LRRC3C: variants seen among roughly 807,000 people sequenced by gnomAD.
LRRC3C encodes the protein leucine-rich repeat-containing protein 3C.
In LRRC3C, 11 loss-of-function variants were observed where a neutral mutation model predicts 14.8. The observed-to-expected ratio is 0.74, with a 90% CI of 0.47 to 1.23. LRRC3C has a LOEUF of 1.23. LRRC3C is among the 50% of genes most tolerant of loss of function. The probability of loss-of-function intolerance (pLI) is 0.00; values close to 1 mark genes in which losing one functional copy is unlikely to be tolerated. For missense variants in LRRC3C, 354 were observed against 361.8 expected (o/e 0.98, Z 0.18); for synonymous variants, 149 against 161.5 (o/e 0.92, Z 0.59).
intron 3 of LRRC3C, among the ~76,000 whole-genome samples, chr17:39,942,488 G>C (rs1029799522): frequency 1.3e-5 from 2 of 151,940 alleles, no homozygotes; most frequent in African/African-American, 4.8e-5. Flanking sequence ...AGCAAACTGA[G>C]AGAACCTGAG....
At chr17:39,932,636 C>T (rs551692152) in intron 1 of LRRC3C, among the ~76,000 whole-genome samples, 30 of 150,794 alleles carry the variant, frequency 2.0e-4, no homozygotes, top group South Asian at 4.2e-4. Context: ...GCGGGAGGAT[C>T]GCTTGAGCCC....
At position 39,944,408 on chromosome 17, in the gene LRRC3C, C is replaced by G. The variant is rs1164371041; in HGVS notation, c.502C>G (p.Leu168Val). ...SANPWHCDCALQEVLRQVRLV... is the reference protein window; with the variant it reads ...SANPWHCDCAVQEVLRQVRLV... ...AAACCCATGGCACTGTGACTGCGCC[C>G]TCCAGGAAGTGCTCCGGCAGGTGAG... The change falls in exon 4 of 4, where the codon CTC becomes GTC. Residue 168 changes from leucine (L) to valine (V), a missense_variant. By Grantham distance (32) the Leu-to-Val change is conservative. Coordinates refer to ENST00000377924, the MANE Select transcript of LRRC3C (RefSeq NM_001195545.2). The G allele has an allele frequency of 4.0e-6, 6 of 1,503,596 alleles. No homozygotes were observed. Among genetic ancestry groups the G allele is most frequent in the Admixed American group, 4.2e-5 (2 of 47,754 alleles). The allele number at this position is 1,503,596 out of a possible 1,614,324, so 93.1% of individuals were successfully genotyped here. A position where few individuals can be genotyped will look rare whatever the true frequency, so the allele number is the denominator to read the frequency against.
intron 2 of LRRC3C, among the ~76,000 whole-genome samples, chr17:39,938,512 CA>C (rs1198588453): frequency 8.8e-6 from 1 of 114,034 alleles, no homozygotes; most frequent in Non-Finnish European, 1.8e-5. Context: ...GCCTAGGCAA[CA>C]AAGTGAGACC....
In LRRC3C at chr17:39,943,998, C is replaced by T. The variant is rs765337775; in HGVS notation, c.92C>T (p.Pro31Leu). The change falls in exon 4 of 4, where the codon CCC (proline) becomes CTC (leucine). Residue 31 changes from proline (P) to leucine (L), a missense_variant. Transcript: ENST00000377924. The part of the protein sequence containing the change: ...AMLPTAGHLL[P>L]LLLVIGTGGT... Reference sequence around the variant, plus strand: ...CTCCCAACAGCAGGTCACCTCCTGCCCCTCCTGCTGGTGATAGGCACAGGG... The same window carrying T: ...CTCCCAACAGCAGGTCACCTCCTGCTCCTCCTGCTGGTGATAGGCACAGGG... The T allele has an allele frequency of 2.0e-6, 3 of 1,536,004 alleles. No individual in the cohort carries two copies. In the African/African-American group the frequency reaches 4.1e-5, roughly 21 times the overall value.
chr17:39,933,610 G>T (rs1256727923), intron 1 of LRRC3C, among the ~76,000 whole-genome samples: 1 of 152,164 alleles, frequency 6.6e-6, no homozygotes, highest in South Asian at 2.1e-4. Flanking sequence ...GCGGGCGCCT[G>T]TAATCCCAGC....
At chr17:39,935,456 C>T (rs1978770809) in intron 1 of LRRC3C, among the ~76,000 whole-genome samples, 1 of 152,080 alleles carries the variant, frequency 6.6e-6, no homozygotes, top group African/African-American at 2.4e-5. Flanking sequence ...GGCTGGGGGA[C>T]ATTTAGTTCT....
At chr17:39,943,298 C>T (rs1978985887) in intron 3 of LRRC3C, among the ~76,000 whole-genome samples, 1 of 152,010 alleles carries the variant, frequency 6.6e-6, no homozygotes, top group South Asian at 2.1e-4. Flanking sequence ...GCTCTGCCAC[C>T]AACAGGGGTG....
chr17:39,937,774 GAAAACCCA>G (rs1598293891), intron 2 of LRRC3C, among the ~76,000 whole-genome samples: 2 of 152,196 alleles, frequency 1.3e-5, no homozygotes, highest in East Asian at 3.9e-4. Flanking sequence ...GAAATCAACA[GAAAACCCA>G]AATAATGATT....
intron 1 of LRRC3C, among the ~76,000 whole-genome samples, chr17:39,935,510 G>T (rs779913435): frequency 1.3e-5 from 2 of 152,150 alleles, no homozygotes; most frequent in Admixed American, 6.5e-5. Flanking sequence ...AAAGTTAGCT[G>T]GGTGTGGTGG....
chr17:39,931,445 C>CAAA lies in LRRC3C; in HGVS notation c.-175+3650_-175+3652dup, dbSNP rs58318948. On this transcript the variant is annotated intron_variant, in intron 1 of 3. Coordinates refer to ENST00000377924, the MANE Select transcript of LRRC3C (RefSeq NM_001195545.2). ...CGGGTGACAGAGAGAGACTTCGTCT[C>CAAA]AAAAAAAAAAAAAAAAAAAAAGTCC... Among the ~76,000 whole-genome samples, 57 of 74,552 alleles carry CAAA rather than the reference C, an allele frequency of 7.6e-4. 1 individual carries two copies. Among genetic ancestry groups the CAAA allele is most frequent in the African/African-American group, 1.0e-3 (20 of 19,318 alleles). 48.9% of individuals were successfully genotyped at this position (74,552 alleles called of 152,430 possible).
chr17:39,941,448 C>T lies in LRRC3C; in HGVS notation c.-76C>T, dbSNP rs1384275737. 4.0e-6 allele frequency: 5 copies of T among 1,246,594 alleles called. No homozygotes were observed. Among genetic ancestry groups the T allele is most frequent in the South Asian group, 3.9e-5 (3 of 77,666 alleles). 77.2% of individuals were successfully genotyped at this position (1,246,594 alleles called of 1,614,324 possible). ...CATTTTTATTTTGCACTCAGCTCTACAATTCCGTGTCCAGTCCTGGTCACC... is the reference window on the plus strand; with the variant it reads ...CATTTTTATTTTGCACTCAGCTCTATAATTCCGTGTCCAGTCCTGGTCACC... On this transcript the variant is annotated 5_prime_UTR_variant, in exon 3 of 4. Coordinates refer to ENST00000377924, the MANE Select transcript of LRRC3C (RefSeq NM_001195545.2).
chr17:39,941,389 G>T, intron 2 of LRRC3C, 54 bp from the exon 3 acceptor site: 3 of 501,922 alleles, frequency 6.0e-6, no homozygotes, highest in South Asian at 2.5e-5. Context: ...TTCTTAACAG[G>T]TTTTTGAAAC....
Position 39,927,745 on chromosome 17 carries a change from G to A in LRRC3C, c.-244G>A, listed in dbSNP as rs1321293941. On this transcript the variant is annotated 5_prime_UTR_variant, in exon 1 of 4. Transcript: ENST00000377924. The stretch of plus-strand genomic sequence containing the variant: ...GTAGTTTTTCCTGGGCTCCGTTCCC[G>A]GCCTCTTCGGGGACGCACGGTTGGA... 14 of 985,390 alleles carry A rather than the reference G, an allele frequency of 1.4e-5. No homozygotes were observed. The highest frequency in any genetic ancestry group is 1.7e-5 in the Non-Finnish European group (14 of 829,990). The allele number at this position is 985,390 out of a possible 1,614,324, so 61.0% of individuals were successfully genotyped here. A position where few individuals can be genotyped will look rare whatever the true frequency, so the allele number is the denominator to read the frequency against.
chr17:39,933,226 C>G (rs1429651027), intron 1 of LRRC3C, among the ~76,000 whole-genome samples: 2 of 152,196 alleles, frequency 1.3e-5, no homozygotes, highest in African/African-American at 4.8e-5. Flanking sequence ...GAGTCTGCCA[C>G]AGGCTCTTTC....
chr17:39,944,984 A>C lies in LRRC3C; in HGVS notation c.*250A>C, dbSNP rs1360288027. Among the ~76,000 whole-genome samples the C allele has an allele frequency of 1.3e-5, 2 of 151,952 alleles. No individual in the cohort carries two copies. Among genetic ancestry groups the C allele is most frequent in the African/African-American group, 2.4e-5 (1 of 41,338 alleles). On this transcript the variant is annotated 3_prime_UTR_variant, in exon 4 of 4. Coordinates refer to ENST00000377924, the MANE Select transcript of LRRC3C (RefSeq NM_001195545.2). ...TGTGCCTGGATTGTGCTAGACTCAG[A>C]AAACCCATAACAGAGAATGACAGCA...
At chr17:39,928,771 G>A (rs1398864072) in intron 1 of LRRC3C, among the ~76,000 whole-genome samples, 10 of 152,314 alleles carry the variant, frequency 6.6e-5, no homozygotes, top group African/African-American at 2.2e-4. Context: ...CTAGCCCAGG[G>A]AAACTGCGGA....
intron 2 of LRRC3C, among the ~76,000 whole-genome samples, chr17:39,939,140 G>A (rs1978875839): frequency 6.6e-6 from 1 of 152,088 alleles, no homozygotes; most frequent in Non-Finnish European, 1.5e-5. Context: ...TCATTGACCA[G>A]AATTGGGCCA....
Position 39,944,547 on chromosome 17 carries a change from G to T in LRRC3C, c.641G>T (p.Trp214Leu), listed in dbSNP as rs530567837. The T allele has an allele frequency of 6.1e-5, 92 of 1,518,632 alleles. No homozygotes were observed. The highest frequency in any genetic ancestry group is 2.6e-4 in the Admixed American group (13 of 49,736). The allele number at this position is 1,518,632 out of a possible 1,614,324, so 94.1% of individuals were successfully genotyped here. ...GAGGAAGAGCTGTGTGGGTCGGGGT[G>T]GGGTGGGGCCCGGAGGAGCACCGAT... The part of the protein sequence containing the change: ...AGEEELCGSG[W>L]GGARRSTDVA... The change falls in exon 4 of 4, where the codon TGG (tryptophan) becomes TTG (leucine). Residue 214 changes from tryptophan (W) to leucine (L), a missense_variant. By Grantham distance (61) the Trp-to-Leu change is moderately conservative (BLOSUM62 -2). Transcript: ENST00000377924.
chr17:39,927,822 A>G lies in LRRC3C; in HGVS notation c.-175+8A>G. ...TCGGATGATAGAATTTTGGTGCGTA[A>G]CAATTCCAACTTTTGCTTCTGTGCC... On this transcript the variant is annotated splice_region_variant and intron_variant, in intron 1 of 3. Coordinates refer to ENST00000377924, the MANE Select transcript of LRRC3C (RefSeq NM_001195545.2). 10 of 985,520 alleles carry G rather than the reference A, an allele frequency of 1.0e-5. No individual in the cohort carries two copies. The highest frequency in any genetic ancestry group is 3.5e-5 in the African/African-American group (2 of 57,370). 61.0% of individuals were successfully genotyped at this position (985,520 alleles called of 1,614,324 possible).
Sources: gnomAD v4.1 joint callset for allele counts (sites outside exome capture counted in the v4.1 genomes callset) on GRCh38, gnomAD v4.1.1 for gene constraint, MANE v1.5 for transcripts, NCBI Gene and HGNC (gene_info 2026-07-23, HGNC 2026-07-21) for gene names.